Variants in PTPRU observed in about 807,000 individuals in gnomAD.
PTPRU encodes protein tyrosine phosphatase receptor type U.
Under a neutral mutation model 166.3 loss-of-function variants are expected in PTPRU, and 69 were observed. The observed-to-expected ratio is 0.41, with a 90% confidence interval of 0.34 to 0.51. The LOEUF (loss-of-function observed/expected upper bound fraction) is 0.51, where lower values mean the gene tolerates loss of function less well. Ranked by LOEUF, PTPRU falls within the 20% of genes least tolerant of loss-of-function variation. The probability of loss-of-function intolerance (pLI) is 0.09; values close to 1 mark genes in which losing one functional copy is unlikely to be tolerated. For missense variants in PTPRU, 1,657 were observed against 2,013.7 expected (o/e 0.82, Z 3.39); for synonymous variants, 793 against 814.0 (o/e 0.97, Z 0.44).
At chr1:29,289,674 C>T (rs769818022) in intron 14 of PTPRU, 11 of 1,613,866 alleles carry the variant, frequency 6.8e-6, no homozygotes, top group South Asian at 5.5e-5. Flanking sequence ...TCTCTTTGCA[C>T]GCTGCCAGGA....
chr1:29,266,412 G>A (rs1304453324), intron 7 of PTPRU, among the ~76,000 whole-genome samples: 3 of 152,090 alleles, frequency 2.0e-5, no homozygotes. Flanking sequence ...ATCAATATTC[G>A]TAAGTGTTTT....
Position 29,260,997 on chromosome 1 carries a change from C to T in PTPRU, c.1144+94C>T, listed in dbSNP as rs1685040355. The T allele has an allele frequency of 7.6e-7, 1 of 1,322,270 alleles. No homozygotes were observed. Among genetic ancestry groups the T allele is most frequent in the South Asian group, 1.7e-5 (1 of 60,484 alleles). 81.9% of individuals were successfully genotyped at this position (1,322,270 alleles called of 1,614,324 possible). A position where few individuals can be genotyped will look rare whatever the true frequency, so the allele number is the denominator to read the frequency against. ...AGGTAGCGTGGCCTGTGCTTGTAAA[C>T]CTTTCTAAAACATTGTGATTTTTCC... On this transcript the variant is annotated intron_variant, in intron 7 of 29. Transcript: ENST00000373779. The surrounding 1 kb of genome is among the most constrained non-coding windows in gnomAD (Gnocchi z 8.3).
At chr1:29,323,916 G>T in intron 28 of PTPRU, 128 bp downstream of exon 28, 1 of 1,207,560 alleles carries the variant, frequency 8.3e-7, no homozygotes, top group Non-Finnish European at 1.1e-6. Context: ...CTCTTAGATG[G>T]CTGTGGCCAG....
intron 8 of PTPRU, among the ~76,000 whole-genome samples, chr1:29,277,840 A>C (rs1331665194): frequency 3.9e-5 from 1 of 25,786 alleles, no homozygotes; most frequent in Non-Finnish European, 8.8e-5. Context: ...TTTTTTTGAG[A>C]TGGAGTCTTG....
chr1:29,303,011 A>C (rs1015704704), intron 15 of PTPRU, among the ~76,000 whole-genome samples: 1 of 152,224 alleles, frequency 6.6e-6, no homozygotes, highest in African/African-American at 2.4e-5. Flanking sequence ...AGGCTCTACT[A>C]TCTGAGTTTG....
At chr1:29,287,302 C>CCCATACCCCACCCTTCT (rs1321648572) in intron 14 of PTPRU, among the ~76,000 whole-genome samples, 1 of 152,148 alleles carries the variant, frequency 6.6e-6, no homozygotes, top group East Asian at 1.9e-4. Context: ...TCCAGAAGTC[C>CCCATACCCCACCCTTCT]CCATACCCCA....
intron 7 of PTPRU, among the ~76,000 whole-genome samples, chr1:29,274,874 A>G (rs1321498737): frequency 6.6e-6 from 1 of 151,880 alleles, no homozygotes; most frequent in Non-Finnish European, 1.5e-5. Context: ...AACATGTGAA[A>G]CGCTATCTCT....
Position 29,291,923 on chromosome 1 carries a change from C to CA in PTPRU, c.2374dup (p.Met792AsnfsTer44). On this transcript the variant is annotated frameshift_variant, in exon 15 of 30. Transcript: ENST00000373779. LOFTEE classifies it high-confidence loss of function. This position sits in a 1 kb window ranked among gnomAD's most constrained non-coding sequence, Gnocchi z 4.1. The stretch of plus-strand genomic sequence containing the variant: ...TCAACTACCGCCAGGAGAAGACACA[C>CA]ATGATGAGCGCCGTGGACCGCAGCT... 6.2e-7 allele frequency: 1 copy of CA among 1,614,192 alleles called. No individual in the cohort carries two copies. The highest frequency in any genetic ancestry group is 8.5e-7 in the Non-Finnish European group (1 of 1,180,032).
At chr1:29,255,181 G>A in intron 1 of PTPRU, 94 bp from the exon 2 acceptor site, 1 of 1,432,312 alleles carries the variant, frequency 7.0e-7, no homozygotes, top group Non-Finnish European at 9.4e-7. Flanking sequence ...GGGCAGGTGG[G>A]CCTGGGTAGA....
Position 29,305,403 on chromosome 1 carries a change from A to G in PTPRU, c.2795A>G (p.Asp932Gly). 1.2e-6 allele frequency: 2 copies of G among 1,613,928 alleles called. No homozygotes were observed. Among genetic ancestry groups the G allele is most frequent in the Non-Finnish European group, 1.7e-6 (2 of 1,179,986 alleles). The change falls in exon 18 of 30, where the codon GAC (aspartate) becomes GGC (glycine). Residue 932 changes from aspartate to glycine, a missense_variant. This residue lies in a region of PTPRU where 1,190 missense variants were observed against 1,477.4 expected (regional missense o/e 0.81). Transcript: ENST00000373779. ...CCGATGCTGGGAGACCCCAATGCCG[A>G]CTACATTAATGCCAACTACATAGAT... ...LHPMLGDPNA[D>G]YINANYIDGY...
At chr1:29,309,990 A>G (rs1171220115) in intron 18 of PTPRU, among the ~76,000 whole-genome samples, 2 of 152,300 alleles carry the variant, frequency 1.3e-5, no homozygotes, top group African/African-American at 2.4e-5. Context: ...GCAGGACCTC[A>G]TGGGTGGCTG....
At chr1:29,303,642 G>A (rs931725277) in intron 15 of PTPRU, among the ~76,000 whole-genome samples, 2 of 152,164 alleles carry the variant, frequency 1.3e-5, no homozygotes, top group South Asian at 2.1e-4. Flanking sequence ...TGATCTGACC[G>A]GCTCATTCTA....
chr1:29,301,310 A>G (rs951265783), intron 15 of PTPRU, among the ~76,000 whole-genome samples: 3 of 152,190 alleles, frequency 2.0e-5, no homozygotes, highest in Admixed American at 6.5e-5. Context: ...TGACCTAGTG[A>G]CATTGTAGCC....
chr1:29,323,859 G>A, intron 28 of PTPRU, 71 bp downstream of exon 28: 2 of 1,550,066 alleles, frequency 1.3e-6, no homozygotes, highest in Non-Finnish European at 1.7e-6. Flanking sequence ...AGTCTGAAAG[G>A]GTGCCAGCTT....
Position 29,238,014 on chromosome 1 carries a change from G to A in PTPRU, c.73+1297G>A, listed in dbSNP as rs1439888336. On this transcript the variant is annotated intron_variant, in intron 1 of 29. Transcript: ENST00000373779. The surrounding 1 kb of genome is among the most constrained non-coding windows in gnomAD (Gnocchi z 6.1). ...CCGGGCCTCCCGGGACACTCCCTTG[G>A]TGGAGCCTGCAACTTTGTGCGGCCT... 2.6e-5 allele frequency among the ~76,000 whole-genome samples: 4 copies of A among 151,464 alleles called. No homozygotes were observed. In the East Asian group the frequency reaches 8.0e-4, roughly 30 times the overall value.
intron 25 of PTPRU, among the ~76,000 whole-genome samples, chr1:29,318,526 G>T (rs1280937372): frequency 6.6e-6 from 1 of 152,188 alleles, no homozygotes; most frequent in Non-Finnish European, 1.5e-5. Context: ...AGGCGGGAAG[G>T]GTCTAGGATT....
rs1683835466 is a variant in PTPRU, at chr1:29,237,693, T to G, written c.73+976T>G. Among the ~76,000 whole-genome samples, 2 of 150,588 alleles carry G rather than the reference T, an allele frequency of 1.3e-5. No individual in the cohort carries two copies. The highest frequency in any genetic ancestry group is 1.3e-4 in the Admixed American group (2 of 15,148). Reference sequence around the variant, plus strand: ...GGCCCCGCGGCCGCCGCCTCGGGCATGTCGGACTGTTTGTTGTTTCGCAAG... The same window carrying G: ...GGCCCCGCGGCCGCCGCCTCGGGCAGGTCGGACTGTTTGTTGTTTCGCAAG... On this transcript the variant is annotated intron_variant, in intron 1 of 29. Coordinates refer to ENST00000373779, the MANE Select transcript of PTPRU (RefSeq NM_133178.4). The surrounding 1 kb of genome is among the most constrained non-coding windows in gnomAD (Gnocchi z 6.4).
intron 25 of PTPRU, among the ~76,000 whole-genome samples, chr1:29,318,653 G>A (rs1210086511): frequency 6.6e-6 from 1 of 152,250 alleles, no homozygotes; most frequent in Non-Finnish European, 1.5e-5. Flanking sequence ...TGTGTGGCCA[G>A]TTGGTGGGCC....
In PTPRU at chr1:29,307,089, C is replaced by T. The variant is rs770465777; in HGVS notation, c.2820+1661C>T. 4 of 1,609,570 alleles carry T rather than the reference C, an allele frequency of 2.5e-6. No homozygotes were observed. In the East Asian group the frequency reaches 8.9e-5, roughly 36 times the overall value. On this transcript the variant is annotated intron_variant, in intron 18 of 29. Transcript: ENST00000373779. The stretch of plus-strand genomic sequence containing the variant: ...CATCTGCCCCTGGCCTAATATCTGT[C>T]TCTTTTGCTTTGTACTGTTTCCTCA...
Sources: gnomAD v4.1 joint callset for allele counts (sites outside exome capture counted in the v4.1 genomes callset) on GRCh38, gnomAD v4.1.1 for gene constraint, gnomAD v4.1.1 regional missense constraint, Gnocchi (gnomAD v3.1) non-coding constraint, MANE v1.5 for transcripts, NCBI Gene and HGNC (gene_info 2026-07-23, HGNC 2026-07-21) for gene names.